The following DPP10 variants were observed in gnomAD, a reference collection of about 807,000 sequenced individuals.
DPP10 encodes inactive dipeptidyl peptidase 10.
Under a neutral mutation model 120.9 loss-of-function variants are expected in DPP10, and 33 were observed. That is an observed-to-expected ratio of 0.27 (90% CI 0.21 to 0.37). The LOEUF (loss-of-function observed/expected upper bound fraction) is 0.37, where lower values mean the gene tolerates loss of function less well. DPP10 is among the 10% of genes least tolerant of loss of function. DPP10 has a pLI of 1.00. For synonymous variants in DPP10, 337 were observed against 326.1 expected (o/e 1.03, Z -0.36); for missense variants, 816 against 942.8 (o/e 0.87, Z 1.76).
intron 5 of DPP10, among the ~76,000 whole-genome samples, chr2:115,594,536 A>T (rs1366776156): frequency 1.3e-5 from 2 of 152,162 alleles, no homozygotes; most frequent in Non-Finnish European, 2.9e-5. Flanking sequence ...GTTCTTCCCG[A>T]TATTACACTA....
intron 1 of DPP10, among the ~76,000 whole-genome samples, chr2:114,959,770 A>G (rs1698474650): frequency 6.6e-6 from 1 of 152,216 alleles, no homozygotes; most frequent in African/African-American, 2.4e-5. Context: ...TCTGTGGGAT[A>G]TGCAGTTGAA....
intron 3 of DPP10, among the ~76,000 whole-genome samples, chr2:115,381,654 C>G (rs1446023026): frequency 1.3e-5 from 2 of 152,190 alleles, no homozygotes; most frequent in Admixed American, 6.5e-5. Context: ...TCCAGTTTTT[C>G]TGCTCTGGTT....
chr2:115,694,442 T>C (rs1397628532), intron 7 of DPP10, among the ~76,000 whole-genome samples: 1 of 152,156 alleles, frequency 6.6e-6, no homozygotes, highest in Non-Finnish European at 1.5e-5. Flanking sequence ...AAGTTAGAAC[T>C]CAGAATATTG....
At chr2:115,673,266 C>G (rs1431228390) in intron 5 of DPP10, among the ~76,000 whole-genome samples, 1 of 152,088 alleles carries the variant, frequency 6.6e-6, no homozygotes, top group Non-Finnish European at 1.5e-5. Context: ...AGCTGGCTAT[C>G]TTTTATTCAA....
intron 1 of DPP10, among the ~76,000 whole-genome samples, chr2:114,634,234 A>G (rs763390153): frequency 4.0e-5 from 6 of 151,820 alleles, no homozygotes; most frequent in African/African-American, 4.9e-5. Flanking sequence ...TCTTTTAGGT[A>G]AGATTTTGTT....
intron 1 of DPP10, among the ~76,000 whole-genome samples, chr2:115,307,739 A>G (rs2061417587): frequency 6.6e-6 from 1 of 152,116 alleles, no homozygotes; most frequent in Non-Finnish European, 1.5e-5. Flanking sequence ...AAACTCACCT[A>G]GAAACTTGCA....
chr2:114,908,501 G>A (rs953579280), intron 1 of DPP10, among the ~76,000 whole-genome samples: 2 of 151,838 alleles, frequency 1.3e-5, no homozygotes, highest in African/African-American at 2.4e-5. Context: ...CTTACCTTAT[G>A]AGAATTAGCA....
intron 3 of DPP10, among the ~76,000 whole-genome samples, chr2:115,478,741 G>A (rs534768949): frequency 6.6e-6 from 1 of 152,164 alleles, no homozygotes; most frequent in East Asian, 1.9e-4. Context: ...GATAGACAAA[G>A]GAGTTACATG....
At chr2:115,426,746 T>A (rs2070505338) in intron 3 of DPP10, among the ~76,000 whole-genome samples, 1 of 152,202 alleles carries the variant, frequency 6.6e-6, no homozygotes, top group Non-Finnish European at 1.5e-5. Flanking sequence ...CCAAACTACA[T>A]CATTCTGCCC....
In DPP10 at chr2:115,727,767, G is replaced by A. The variant is rs761212448; in HGVS notation, c.577-49G>A. The A allele has an allele frequency of 3.3e-6, 5 of 1,529,028 alleles. No homozygotes were observed. In the East Asian group the frequency reaches 7.3e-5, roughly 22 times the overall value. 94.7% of individuals were successfully genotyped at this position (1,529,028 alleles called of 1,614,324 possible). ...TTCTGTAATATTAAAGTTTCAAAAG[G>A]CATCCTAACGTGTTGGATTTTTTGT... On this transcript the variant is annotated intron_variant, in intron 7 of 25. Coordinates refer to ENST00000410059, the MANE Select transcript of DPP10 (RefSeq NM_020868.6).
intron 1 of DPP10, among the ~76,000 whole-genome samples, chr2:115,121,552 A>T (rs540211864): frequency 2.0e-5 from 3 of 152,132 alleles, no homozygotes; most frequent in Non-Finnish European, 4.4e-5. Context: ...TGGCTCTTGG[A>T]ACATCCTTTT....
At chr2:115,715,145 G>A (rs1447735786) in intron 7 of DPP10, among the ~76,000 whole-genome samples, 1 of 151,522 alleles carries the variant, frequency 6.6e-6, no homozygotes, top group Non-Finnish European at 1.5e-5. Context: ...TTCAAGACCA[G>A]CCTGACCAAC....
At chr2:114,672,976 C>T (rs1573938315) in intron 1 of DPP10, among the ~76,000 whole-genome samples, 1 of 152,254 alleles carries the variant, frequency 6.6e-6, no homozygotes, top group South Asian at 2.1e-4. Flanking sequence ...GCCGTCTCAG[C>T]TCTAATAACA....
chr2:115,766,310 GTATA>G lies in DPP10; in HGVS notation c.1114-1975_1114-1972del, dbSNP rs1221483510. Among the ~76,000 whole-genome samples, 48 of 81,730 alleles carry G rather than the reference GTATA, an allele frequency of 5.9e-4. 1 individual carries two copies. The highest frequency in any genetic ancestry group is 1.9e-3 in the South Asian group (4 of 2,058). 53.6% of individuals were successfully genotyped at this position (81,730 alleles called of 152,430 possible). On this transcript the variant is annotated intron_variant, in intron 12 of 25. Coordinates refer to ENST00000410059, the MANE Select transcript of DPP10 (RefSeq NM_020868.6). The stretch of plus-strand genomic sequence containing the variant: ...TATGTGTGTGTGTGTGTGTGTGTGT[GTATA>G]TATATATATATGTATATATATATGT...
At chr2:115,837,761 G>A (rs1182764338) in intron 24 of DPP10, among the ~76,000 whole-genome samples, 1 of 151,696 alleles carries the variant, frequency 6.6e-6, no homozygotes, top group East Asian at 1.9e-4. Flanking sequence ...GTCTAACCAT[G>A]AGAAAACCAT....
intron 5 of DPP10, among the ~76,000 whole-genome samples, chr2:115,652,118 A>T (rs942990173): frequency 1.3e-5 from 2 of 152,086 alleles, no homozygotes; most frequent in Non-Finnish European, 2.9e-5. Flanking sequence ...ACAAAAATTT[A>T]AAAATAGCTG....
intron 1 of DPP10, among the ~76,000 whole-genome samples, chr2:114,455,170 G>C (rs1678497810): frequency 6.6e-6 from 1 of 151,936 alleles, no homozygotes; most frequent in African/African-American, 2.4e-5. Context: ...GTGTGTGTGT[G>C]TGTGTGTGTG....
chr2:115,247,163 A>T (rs1490534176), intron 1 of DPP10, among the ~76,000 whole-genome samples: 1 of 152,160 alleles, frequency 6.6e-6, no homozygotes, highest in African/African-American at 2.4e-5. Context: ...GGTAATGCTA[A>T]GAACAGGATA....
chr2:115,162,736 C>T (rs920222387), intron 1 of DPP10, among the ~76,000 whole-genome samples: 1 of 152,080 alleles, frequency 6.6e-6, no homozygotes, highest in Non-Finnish European at 1.5e-5. Context: ...TTATTCCTGT[C>T]TCTTTCCCGT....
Sources: gnomAD v4.1 joint callset for allele counts (sites outside exome capture counted in the v4.1 genomes callset) on GRCh38, gnomAD v4.1.1 for gene constraint, MANE v1.5 for transcripts, NCBI Gene and HGNC (gene_info 2026-07-23, HGNC 2026-07-21) for gene names.